The following EFR3A variants were observed in gnomAD, a reference collection of about 807,000 sequenced individuals.
EFR3A encodes the protein EFR3 homolog A, also known as protein EFR3 homolog A.
In EFR3A, 76 loss-of-function variants were observed where a neutral mutation model predicts 104.4. The observed-to-expected ratio is 0.73, with a 90% confidence interval of 0.60 to 0.88. The LOEUF (loss-of-function observed/expected upper bound fraction) is 0.88. EFR3A is among the 40% of genes least tolerant of loss of function. The pLI is 0.00. For missense variants in EFR3A, 985 were observed against 1,012.5 expected (o/e 0.97, Z 0.37); for synonymous variants, 330 against 330.0 (o/e 1.00, Z 0.00).
chr8:131,911,225 A>G (rs115010008), intron 1 of EFR3A, among the ~76,000 whole-genome samples: 2,999 of 152,304 alleles, frequency 0.02, 46 homozygotes, highest in South Asian at 0.042. Context: ...TTTGCCAAAT[A>G]TATGATGCCA....
intron 1 of EFR3A, among the ~76,000 whole-genome samples, chr8:131,923,413 A>G (rs1230445048): frequency 1.3e-5 from 2 of 151,552 alleles, no homozygotes; most frequent in African/African-American, 2.4e-5. Flanking sequence ...ATATAATAAA[A>G]TGTTTTGTAC....
chr8:131,959,622 T>A lies in EFR3A; in HGVS notation c.814T>A (p.Phe272Ile). Residue 272 changes from phenylalanine (F) to isoleucine (I), a missense_variant, in exon 8 of 23, where the codon TTT becomes ATT. Transcript: ENST00000254624. ...TCACAAACTGTGGGATCCCAATGAATTTGCAGTTCACTGCTTTAAAATTAT... is the reference window on the plus strand; with the variant it reads ...TCACAAACTGTGGGATCCCAATGAAATTGCAGTTCACTGCTTTAAAATTAT... ...DHHKLWDPNE[F>I]AVHCFKIIMY... The A allele has an allele frequency of 6.2e-7, 1 of 1,612,374 alleles. No individual in the cohort carries two copies. The highest frequency in any genetic ancestry group is 8.5e-7 in the Non-Finnish European group (1 of 1,179,346).
intron 6 of EFR3A, among the ~76,000 whole-genome samples, chr8:131,955,065 C>T (rs1312002550): frequency 1.3e-5 from 2 of 151,994 alleles, no homozygotes; most frequent in Non-Finnish European, 2.9e-5. Flanking sequence ...GTTTCCTTAT[C>T]TAAAATATTT....
chr8:132,009,431 G>A (rs1822211365), intron 22 of EFR3A, among the ~76,000 whole-genome samples: 1 of 152,040 alleles, frequency 6.6e-6, no homozygotes, highest in Non-Finnish European at 1.5e-5. Flanking sequence ...GAGCAGTCAG[G>A]AAAATGCTGT....
intron 15 of EFR3A, 83 bp downstream of exon 15, chr8:131,984,383 C>A: frequency 7.5e-7 from 1 of 1,327,086 alleles, no homozygotes; most frequent in Non-Finnish European, 1.0e-6. Flanking sequence ...TATCCAAGGA[C>A]ATGAATTTTA....
chr8:132,004,278 C>T (rs1821928573), intron 22 of EFR3A, among the ~76,000 whole-genome samples: 1 of 152,226 alleles, frequency 6.6e-6, no homozygotes, highest in Non-Finnish European at 1.5e-5. Context: ...GAGACCTGTA[C>T]TGGCCCATGG....
At chr8:131,993,784 G>A (rs1382198317) in intron 18 of EFR3A, among the ~76,000 whole-genome samples, 8 of 151,900 alleles carry the variant, frequency 5.3e-5, no homozygotes, top group African/African-American at 1.7e-4. Flanking sequence ...CTTTGCTGTT[G>A]TGAGCAGTGC....
chr8:131,967,369 T>C (rs1335026327), intron 8 of EFR3A, among the ~76,000 whole-genome samples: 1 of 152,174 alleles, frequency 6.6e-6, no homozygotes, highest in African/African-American at 2.4e-5. Context: ...AGGGCACTCC[T>C]GCTTCTTATC....
At chr8:132,009,381 CA>C (rs1458124976) in intron 22 of EFR3A, among the ~76,000 whole-genome samples, 2 of 151,828 alleles carry the variant, frequency 1.3e-5, no homozygotes, top group African/African-American at 4.8e-5. Flanking sequence ...AGTATTTGAA[CA>C]AATGATGCTA....
At chr8:131,905,028 G>C (rs1246122066) in intron 1 of EFR3A, among the ~76,000 whole-genome samples, 2 of 152,180 alleles carry the variant, frequency 1.3e-5, no homozygotes, top group Non-Finnish European at 2.9e-5. Context: ...ACTCGGTGTT[G>C]GAGGATTTTT....
chr8:131,913,240 G>T (rs1357832210), intron 1 of EFR3A, among the ~76,000 whole-genome samples: 2 of 150,598 alleles, frequency 1.3e-5, no homozygotes, highest in Non-Finnish European at 2.9e-5. Context: ...TAATATGTCA[G>T]ACATGTCAAA....
In EFR3A at chr8:131,959,664, G is replaced by T. The variant is rs1352180209; in HGVS notation, c.855+1G>T. 4 of 1,604,652 alleles carry T rather than the reference G, an allele frequency of 2.5e-6. No homozygotes were observed. The highest frequency in any genetic ancestry group is 3.4e-6 in the Non-Finnish European group (4 of 1,175,454). On this transcript the variant is annotated splice_donor_variant, in intron 8 of 22. Coordinates refer to ENST00000254624, the MANE Select transcript of EFR3A (RefSeq NM_015137.6). LOFTEE classifies it high-confidence loss of function. Reference sequence around the variant, plus strand: ...TAAAATTATAATGTATTCCATTCAGGTAAGGTTTGATTAACTATTTACTGT... The same window carrying T: ...TAAAATTATAATGTATTCCATTCAGTTAAGGTTTGATTAACTATTTACTGT...
chr8:132,005,485 A>C (rs1586683996), intron 22 of EFR3A, among the ~76,000 whole-genome samples: 1 of 151,966 alleles, frequency 6.6e-6, no homozygotes. Flanking sequence ...AAGCAGCCTC[A>C]CAGATAACCC....
rs140580782 is a variant in EFR3A, at chr8:132,001,441, ATCT to A, written c.2158-313_2158-311del. Among the ~76,000 whole-genome samples the A allele has an allele frequency of 7.3e-3, 1,109 of 152,312 alleles. 11 individuals carry two copies. Among genetic ancestry groups the A allele is most frequent in the African/African-American group, 0.025 (1,056 of 41,572 alleles). On this transcript the variant is annotated intron_variant, in intron 19 of 22. Transcript: ENST00000254624. Reference sequence around the variant, plus strand: ...ACAGTGTTCAGTCAGTGGGACTCAAATCTTCTTGTACATCACAGTACTGGGACT... The same window carrying A: ...ACAGTGTTCAGTCAGTGGGACTCAAATCTTGTACATCACAGTACTGGGACT...
chr8:131,980,524 T>A (rs977522367), intron 14 of EFR3A, among the ~76,000 whole-genome samples: 20 of 152,106 alleles, frequency 1.3e-4, no homozygotes, highest in Non-Finnish European at 2.8e-4. Flanking sequence ...AACAATTTTT[T>A]AAAATATTTT....
In EFR3A at chr8:131,984,311, A is replaced by G. The variant is rs578002085; in HGVS notation, c.1737+11A>G. 14 of 1,545,958 alleles carry G rather than the reference A, an allele frequency of 9.1e-6. No homozygotes were observed. In the African/African-American group the frequency reaches 9.7e-5, roughly 11 times the overall value. ...GCCATTGCTTTACAGGTATGCTTTC[A>G]TAACCGTTCACTGCAGAAAACATTT... is the stretch of plus-strand genomic sequence containing the variant. On this transcript the variant is annotated intron_variant, in intron 15 of 22. Coordinates refer to ENST00000254624, the MANE Select transcript of EFR3A (RefSeq NM_015137.6).
intron 1 of EFR3A, 55 bp downstream of exon 1, chr8:131,904,377 G>T: frequency 1.6e-6 from 2 of 1,238,966 alleles, no homozygotes; most frequent in East Asian, 3.2e-5. Flanking sequence ...TGCGCGACGC[G>T]CTTGGGCCGG....
chr8:131,987,707 G>A lies in EFR3A; in HGVS notation c.2065+5G>A, dbSNP rs370281824. ...CGTATGTACCACAAGTAACAGGTAA[G>A]AGGAGGATAATTAGAACTTTCACTC... On this transcript the variant is annotated splice_donor_5th_base_variant and intron_variant, in intron 18 of 22. Transcript: ENST00000254624. 36 of 1,581,032 alleles carry A rather than the reference G, an allele frequency of 2.3e-5. No homozygotes were observed. In the African/African-American group the frequency reaches 4.6e-4, roughly 20 times the overall value.
intron 1 of EFR3A, among the ~76,000 whole-genome samples, chr8:131,923,464 C>G (rs557601952): frequency 2.5e-4 from 37 of 148,836 alleles, no homozygotes; most frequent in African/African-American, 8.1e-4. Context: ...GTATAAACTT[C>G]ACGGCCTTTA....
Sources: allele counts gnomAD v4.1 joint callset (sites outside exome capture counted in the v4.1 genomes callset), GRCh38; gene constraint gnomAD v4.1.1; transcripts MANE v1.5; gene names NCBI Gene and HGNC (gene_info 2026-07-23, HGNC 2026-07-21).